The following ATXN2 variants were observed in gnomAD, a reference collection of about 807,000 sequenced individuals.
ATXN2 encodes the protein ataxin-2.
A neutral mutation model predicts 138.6 loss-of-function variants in ATXN2; 37 were observed. The ratio of observed to expected loss-of-function variants is 0.27; its 90% CI spans 0.21 to 0.35. ATXN2 has a LOEUF of 0.35. Among genes scored for constraint, ATXN2 ranks in the 10% least tolerant of loss-of-function variants. The pLI is 1.00. For missense variants in ATXN2, 1,216 were observed against 1,480.3 expected (o/e 0.82, Z 2.93); for synonymous variants, 549 against 543.7 (o/e 1.01, Z -0.13).
chr12:111,453,945 C>T lies in ATXN2; in HGVS notation c.3271-100G>A. 2 of 1,243,706 alleles carry T rather than the reference C, an allele frequency of 1.6e-6. No individual in the cohort carries two copies. Among genetic ancestry groups the T allele is most frequent in the Non-Finnish European group, 2.2e-6 (2 of 898,978 alleles). The allele number at this position is 1,243,706 out of a possible 1,614,324, so 77.0% of individuals were successfully genotyped here. ...CTGGGCTGGGACTCTCAGGAAAGGG[C>T]AACGGTGGGCCTCAGGGCCCAGTTC... On this transcript the variant is annotated intron_variant, in intron 23 of 24. Coordinates refer to ENST00000673436, the MANE Select transcript of ATXN2 (RefSeq NM_001372574.1). This position sits in a 1 kb window ranked among gnomAD's most constrained non-coding sequence, Gnocchi z 5.4.
chr12:111,455,328 CTT>C (rs1274386885), intron 23 of ATXN2: 6 of 528,670 alleles, frequency 1.1e-5, no homozygotes, highest in African/African-American at 1.9e-5. Flanking sequence ...GTGCAGGGAC[CTT>C]TGTCAGCAGC....
At chr12:111,526,506 G>A (rs937584110) in intron 5 of ATXN2, among the ~76,000 whole-genome samples, 1 of 151,366 alleles carries the variant, frequency 6.6e-6, no homozygotes, top group Non-Finnish European at 1.5e-5. Context: ...CCAGGTTCAA[G>A]GGAATCTCCT....
Position 111,452,551 on chromosome 12 carries a change from G to C in ATXN2, c.*261C>G. ...AAAAAATAAATAACTTCCAGTTTCG[G>C]CAAGCAGAGCTGGGGTACCTGCGGG... On this transcript the variant is annotated 3_prime_UTR_variant, in exon 25 of 25. Transcript: ENST00000673436. The C allele has an allele frequency of 4.8e-6, 2 of 413,772 alleles. No individual in the cohort carries two copies. The highest frequency in any genetic ancestry group is 8.6e-6 in the Non-Finnish European group (2 of 232,054). 25.6% of individuals were successfully genotyped at this position (413,772 alleles called of 1,614,324 possible). A position where few individuals can be genotyped will look rare whatever the true frequency, so the allele number is the denominator to read the frequency against.
chr12:111,518,169 A>G (rs1879959202), intron 9 of ATXN2, 80 bp downstream of exon 9: 3 of 1,258,944 alleles, frequency 2.4e-6, no homozygotes, highest in Non-Finnish European at 2.2e-6. Context: ...CATATCAGTT[A>G]TGTAAACTAT....
At chr12:111,517,042 T>G (rs1879896676) in intron 9 of ATXN2, among the ~76,000 whole-genome samples, 1 of 152,160 alleles carries the variant, frequency 6.6e-6, no homozygotes, top group Non-Finnish European at 1.5e-5. Context: ...GGAGACCTTC[T>G]AAATAATTTA....
At chr12:111,519,717 A>T in intron 8 of ATXN2, 162 bp downstream of exon 8, 1 of 1,312,062 alleles carries the variant, frequency 7.6e-7, no homozygotes, top group East Asian at 2.5e-5. Flanking sequence ...CATATTTTCC[A>T]AGATCACCAT....
chr12:111,518,666 C>T (rs1251260455), intron 8 of ATXN2, among the ~76,000 whole-genome samples: 1 of 152,190 alleles, frequency 6.6e-6, no homozygotes, highest in Non-Finnish European at 1.5e-5. Context: ...CGTGCTCATT[C>T]TCATCCCACT....
intron 14 of ATXN2, among the ~76,000 whole-genome samples, chr12:111,490,115 G>A (rs1877926155): frequency 6.6e-6 from 1 of 151,200 alleles, no homozygotes; most frequent in Admixed American, 6.6e-5. Flanking sequence ...GCTGACATAT[G>A]AGAATTGCTT....
chr12:111,461,198 G>A (rs1286505666), intron 21 of ATXN2: 4 of 152,128 alleles, frequency 2.6e-5, no homozygotes, highest in Admixed American at 1.3e-4. Flanking sequence ...AGCCGGGCAC[G>A]GTGGCTCACG....
At chr12:111,576,428 G>A (rs1883652573) in intron 1 of ATXN2, among the ~76,000 whole-genome samples, 1 of 152,100 alleles carries the variant, frequency 6.6e-6, no homozygotes, top group Non-Finnish European at 1.5e-5. Flanking sequence ...CTGGGCAACA[G>A]AGTGAGACTC....
intron 14 of ATXN2, among the ~76,000 whole-genome samples, chr12:111,490,273 G>A (rs1208519994): frequency 6.6e-6 from 1 of 151,744 alleles, no homozygotes; most frequent in African/African-American, 2.4e-5. Context: ...TTAATTCTCA[G>A]GGCAAATGGG....
At chr12:111,595,132 G>C (rs1196412277) in intron 1 of ATXN2, among the ~76,000 whole-genome samples, 2 of 152,128 alleles carry the variant, frequency 1.3e-5, no homozygotes, top group Admixed American at 1.3e-4. Context: ...CAACCTTCTT[G>C]ACACTGGAAG....
intron 1 of ATXN2, chr12:111,581,494 T>A: frequency 2.0e-6 from 2 of 1,016,270 alleles, no homozygotes; most frequent in South Asian, 2.5e-5. Context: ...ACAACCCTGC[T>A]CCCCCAATGT....
intron 18 of ATXN2, among the ~76,000 whole-genome samples, chr12:111,475,545 A>C (rs1211482258): frequency 7.0e-6 from 1 of 142,602 alleles, no homozygotes; most frequent in African/African-American, 2.6e-5. Context: ...GCTGGAGTAC[A>C]GGTGCGCAAT....
rs183697731 is a variant in ATXN2, at chr12:111,565,102, A to G, written c.252-9183T>C. 3.5e-3 allele frequency among the ~76,000 whole-genome samples: 534 copies of G among 152,312 alleles called. 1 individual carries two copies. Among genetic ancestry groups the G allele is most frequent in the African/African-American group, 0.012 (512 of 41,566 alleles). On this transcript the variant is annotated intron_variant, in intron 1 of 24. Transcript: ENST00000673436. ...TTATGTACATATAAGAAATGTCATG[A>G]ATGTCCCCATATTCTCCTTTAAGTA...
intron 6 of ATXN2, 34 bp from the exon 7 acceptor site, chr12:111,521,007 C>G (rs1880128552): frequency 7.4e-7 from 1 of 1,350,472 alleles, no homozygotes. Flanking sequence ...TTCAAAATGT[C>G]AAAGTAGTTG....
intron 12 of ATXN2, 102 bp from the exon 13 acceptor site, chr12:111,510,100 C>T (rs1317897411): frequency 4.5e-6 from 4 of 898,158 alleles, no homozygotes; most frequent in African/African-American, 3.4e-5. Flanking sequence ...GAAAATAATG[C>T]TTTCATTTAA....
In ATXN2 at chr12:111,452,638, T is replaced by A; in HGVS notation, c.*174A>T. 2 of 756,470 alleles carry A rather than the reference T, an allele frequency of 2.6e-6. No homozygotes were observed. The highest frequency in any genetic ancestry group is 1.8e-5 in the African/African-American group (1 of 57,048). The allele number at this position is 756,470 out of a possible 1,614,324, so 46.9% of individuals were successfully genotyped here. On this transcript the variant is annotated 3_prime_UTR_variant, in exon 25 of 25. Coordinates refer to ENST00000673436, the MANE Select transcript of ATXN2 (RefSeq NM_001372574.1). The stretch of plus-strand genomic sequence containing the variant: ...CAAGTTCCTAAATGCCTCTACTCGG[T>A]CCAAGTATCTTCCACTGCAAGTGAA...
chr12:111,477,949 C>T (rs1379898971), intron 18 of ATXN2, among the ~76,000 whole-genome samples: 1 of 151,410 alleles, frequency 6.6e-6, no homozygotes, highest in Non-Finnish European at 1.5e-5. Context: ...CTGTGCCTGG[C>T]TAATTTTTCT....
Sources: gnomAD v4.1 joint callset for allele counts (sites outside exome capture counted in the v4.1 genomes callset) on GRCh38, gnomAD v4.1.1 for gene constraint, Gnocchi (gnomAD v3.1) non-coding constraint, MANE v1.5 for transcripts, NCBI Gene and HGNC (gene_info 2026-07-23, HGNC 2026-07-21) for gene names.